Variants in TAFA1 observed in about 807,000 individuals in gnomAD.
TAFA1 encodes TAFA chemokine like family member 1, also known as chemokine-like protein TAFA-1.
TAFA1 carries 4 observed loss-of-function variants against 18.5 expected under a neutral mutation model. The ratio of observed to expected loss-of-function variants is 0.22; its 90% CI spans 0.11 to 0.49. The LOEUF (loss-of-function observed/expected upper bound fraction) is 0.49. Ranked by LOEUF, TAFA1 falls within the 20% of genes least tolerant of loss-of-function variation. The probability of loss-of-function intolerance (pLI) is 0.98; values close to 1 mark genes in which losing one functional copy is unlikely to be tolerated. For missense variants in TAFA1, 147 were observed against 169.0 expected (o/e 0.87, Z 0.72); for synonymous variants, 56 against 55.2 (o/e 1.01, Z -0.06).
In TAFA1 at chr3:68,179,228, A is replaced by G. The variant is rs117168868; in HGVS notation, c.118+172484A>G. ...CCTGAACAGAAACCCTACTTTTGGC[A>G]TTTTTAAAATTTAAAATTCTAGGAC... On this transcript the variant is annotated intron_variant, in intron 2 of 4. Coordinates refer to ENST00000478136, the MANE Select transcript of TAFA1 (RefSeq NM_213609.4). Among the ~76,000 whole-genome samples the G allele has an allele frequency of 4.6e-3, 701 of 152,282 alleles. 26 individuals are homozygous for G. In the East Asian group the frequency reaches 0.09, roughly 19 times the overall value.
chr3:68,307,981 A>G (rs1257820152), intron 2 of TAFA1, among the ~76,000 whole-genome samples: 1 of 152,176 alleles, frequency 6.6e-6, no homozygotes, highest in African/African-American at 2.4e-5. Context: ...TAAGACAAAA[A>G]TGCTCATTTT....
chr3:68,154,999 C>T (rs1025001259), intron 2 of TAFA1, among the ~76,000 whole-genome samples: 4 of 152,174 alleles, frequency 2.6e-5, no homozygotes, highest in African/African-American at 4.8e-5. Context: ...TTACTTATAT[C>T]GGGGTTATGC....
intron 2 of TAFA1, among the ~76,000 whole-genome samples, chr3:68,369,631 A>G (rs2069641370): frequency 6.6e-6 from 1 of 152,238 alleles, no homozygotes; most frequent in African/African-American, 2.4e-5. Context: ...AGCCAATTCC[A>G]TTTTATAGCC....
intron 2 of TAFA1, among the ~76,000 whole-genome samples, chr3:68,109,008 C>G (rs940821427): frequency 3.3e-5 from 5 of 151,684 alleles, no homozygotes; most frequent in Non-Finnish European, 7.4e-5. Context: ...ATGAAAATAC[C>G]TACAGATCTT....
chr3:68,030,162 A>G (rs548135694), intron 2 of TAFA1, among the ~76,000 whole-genome samples: 38 of 152,226 alleles, frequency 2.5e-4, no homozygotes, highest in Non-Finnish European at 3.5e-4. Context: ...GGGTGACATT[A>G]TTAATAATGG....
chr3:68,067,122 G>A (rs915592120), intron 2 of TAFA1, among the ~76,000 whole-genome samples: 7 of 152,194 alleles, frequency 4.6e-5, no homozygotes, highest in African/African-American at 1.7e-4. Flanking sequence ...CAGGATTCAA[G>A]TTGGAGTTCT....
intron 1 of TAFA1, 75 bp from the exon 2 acceptor site, chr3:68,006,549 T>C: frequency 1.1e-6 from 1 of 911,706 alleles, no homozygotes. Flanking sequence ...AGACCTCCCT[T>C]CCCTCATCAG....
chr3:68,313,172 C>A (rs764451976), intron 2 of TAFA1, among the ~76,000 whole-genome samples: 12 of 152,150 alleles, frequency 7.9e-5, no homozygotes, highest in Non-Finnish European at 1.8e-4. Flanking sequence ...GGCGGGGACA[C>A]AAAGCCAAAC....
chr3:68,337,790 A>C (rs559011493), intron 2 of TAFA1, among the ~76,000 whole-genome samples: 1 of 152,288 alleles, frequency 6.6e-6, no homozygotes, highest in East Asian at 1.9e-4. Context: ...GTGGCTTCTG[A>C]GGGAAACCCT....
intron 3 of TAFA1, among the ~76,000 whole-genome samples, chr3:68,490,820 T>C (rs1042043891): frequency 2.6e-4 from 39 of 149,808 alleles, no homozygotes; most frequent in Non-Finnish European, 5.3e-4. Context: ...TAGAATCCTC[T>C]ACAATTTTTT....
At chr3:68,406,952 A>T (rs546524539) in intron 2 of TAFA1, among the ~76,000 whole-genome samples, 5 of 152,288 alleles carry the variant, frequency 3.3e-5, no homozygotes, top group South Asian at 2.1e-4. Flanking sequence ...GTTTCAACAT[A>T]TCCAACGTAT....
At chr3:68,045,024 G>A (rs759487625) in intron 2 of TAFA1, among the ~76,000 whole-genome samples, 26 of 152,116 alleles carry the variant, frequency 1.7e-4, no homozygotes, top group Non-Finnish European at 2.9e-4. Flanking sequence ...GGTTGACTGG[G>A]GGCACCTCAG....
At chr3:68,376,683 C>T (rs2069825249) in intron 2 of TAFA1, among the ~76,000 whole-genome samples, 1 of 152,112 alleles carries the variant, frequency 6.6e-6, no homozygotes, top group East Asian at 1.9e-4. Context: ...GATTCCATAT[C>T]TTTGCTATTG....
At chr3:68,258,344 C>G (rs4464458) in intron 2 of TAFA1, among the ~76,000 whole-genome samples, 104,296 of 152,038 alleles carry the variant, frequency 0.69, 37,410 homozygotes, top group East Asian at 0.98. Flanking sequence ...AGCATACACT[C>G]GTGGTTGATG....
At chr3:68,419,309 A>G (rs1487186979) in intron 3 of TAFA1, among the ~76,000 whole-genome samples, 1 of 152,188 alleles carries the variant, frequency 6.6e-6, no homozygotes, top group South Asian at 2.1e-4. Context: ...GCTGGTTACC[A>G]TAAGGAGATA....
the TAFA1 span, among the ~76,000 whole-genome samples, chr3:67,998,795 C>A: frequency 2.0e-5 from 3 of 152,292 alleles, no homozygotes; most frequent in South Asian, 6.2e-4. Flanking sequence ...AATTGCTGAT[C>A]AAACCCAACT....
intron 2 of TAFA1, among the ~76,000 whole-genome samples, chr3:68,291,238 T>A (rs2068100857): frequency 6.6e-6 from 1 of 152,162 alleles, no homozygotes. Flanking sequence ...GAATAAGAGA[T>A]ATTTAGAGCT....
At chr3:68,259,361 A>G (rs909197023) in intron 2 of TAFA1, among the ~76,000 whole-genome samples, 1 of 152,190 alleles carries the variant, frequency 6.6e-6, no homozygotes, top group Non-Finnish European at 1.5e-5. Context: ...TCCCTTCACA[A>G]GACATTGATA....
At chr3:68,263,829 A>G (rs945138463) in intron 2 of TAFA1, among the ~76,000 whole-genome samples, 2 of 152,168 alleles carry the variant, frequency 1.3e-5, no homozygotes, top group African/African-American at 2.4e-5. Context: ...CAAGCACACA[A>G]GGTGATTTGG....
Sources: allele counts gnomAD v4.1 joint callset (sites outside exome capture counted in the v4.1 genomes callset), GRCh38; gene constraint gnomAD v4.1.1; transcripts MANE v1.5; gene names NCBI Gene and HGNC (gene_info 2026-07-23, HGNC 2026-07-21).